The following SLC15A4 variants were observed in gnomAD, a reference collection of about 807,000 sequenced individuals.
SLC15A4 encodes hPHT1.
In SLC15A4, 26 loss-of-function variants were observed where a neutral mutation model predicts 46.1. The observed-to-expected ratio is 0.56, with a 90% CI of 0.41 to 0.78. The LOEUF (loss-of-function observed/expected upper bound fraction) is 0.78. Ranked by LOEUF, SLC15A4 falls within the 30% of genes least tolerant of loss-of-function variation. The probability of loss-of-function intolerance (pLI) is 0.00; values close to 1 mark genes in which losing one functional copy is unlikely to be tolerated. For synonymous variants in SLC15A4, 370 were observed against 333.4 expected (o/e 1.11, Z -1.20); for missense variants, 751 against 755.7 (o/e 0.99, Z 0.07).
intron 1 of SLC15A4, among the ~76,000 whole-genome samples, chr12:128,820,736 C>T (rs142729972): frequency 4.5e-4 from 68 of 152,350 alleles, no homozygotes; most frequent in African/African-American, 1.6e-3. Flanking sequence ...AGGTACTTAG[C>T]AAGCACTGTG....
At chr12:128,813,374 G>A (rs1955692017) in intron 2 of SLC15A4, 1 of 152,092 alleles carries the variant, frequency 6.6e-6, no homozygotes, top group Non-Finnish European at 1.5e-5. Context: ...TTTGAATTAT[G>A]TGTCTGAATG....
At chr12:128,819,932 G>GT (rs1955811136) in intron 1 of SLC15A4, 1 of 152,320 alleles carries the variant, frequency 6.6e-6, no homozygotes, top group African/African-American at 2.4e-5. Flanking sequence ...AGCTCCCCTA[G>GT]GCACCTGCTG....
chr12:128,809,788 T>C (rs11059927), intron 3 of SLC15A4, 155 bp downstream of exon 3: 73,473 of 666,782 alleles, frequency 0.11, 4,844 homozygotes, highest in Admixed American at 0.21. Context: ...GCAGCCAAAA[T>C]GACTCCATAA....
rs768781673 is a variant in SLC15A4 at position 128,809,381 on chromosome 12, T to G, written c.1089+15A>C. The G allele has an allele frequency of 6.5e-5, 100 of 1,530,760 alleles. No homozygotes were observed. The highest frequency in any genetic ancestry group is 8.7e-5 in the Non-Finnish European group (97 of 1,113,664). 94.8% of individuals were successfully genotyped at this position (1,530,760 alleles called of 1,614,324 possible). ...TCCAAAATAACAATGTTCAGATCAT[T>G]ACAATTGTTCTTACCGTGTGAGGAG... On this transcript the variant is annotated intron_variant, in intron 4 of 7. Coordinates refer to ENST00000266771, the MANE Select transcript of SLC15A4 (RefSeq NM_145648.4).
intron 5 of SLC15A4, 114 bp from the exon 6 acceptor site, chr12:128,801,123 G>C (rs556006492): frequency 1.0e-6 from 1 of 975,806 alleles, no homozygotes; most frequent in African/African-American, 1.6e-5. Flanking sequence ...ATGCGTGAAA[G>C]GACCACGTCT....
At chr12:128,804,768 T>C (rs542291284) in intron 5 of SLC15A4, among the ~76,000 whole-genome samples, 2 of 152,198 alleles carry the variant, frequency 1.3e-5, no homozygotes, top group Non-Finnish European at 2.9e-5. Context: ...CTCAGAGAGG[T>C]AATGGACTCC....
At chr12:128,795,028 C>A (rs903221340) in intron 7 of SLC15A4, among the ~76,000 whole-genome samples, 2 of 152,130 alleles carry the variant, frequency 1.3e-5, no homozygotes, top group African/African-American at 4.8e-5. Flanking sequence ...AAGGCAGATG[C>A]GAAGATAACA....
chr12:128,815,078 A>G lies in SLC15A4; in HGVS notation c.547-8T>C, dbSNP rs1955732967. ...CGGACCTCGATCTTTAACCTAAAAT[A>G]ACAGGGAGGAAAGACACTTGAAAAT... On this transcript the variant is annotated splice_polypyrimidine_tract_variant and splice_region_variant and intron_variant, in intron 1 of 7. Transcript: ENST00000266771. 2 of 1,603,026 alleles carry G rather than the reference A, an allele frequency of 1.2e-6. No homozygotes were observed. Among genetic ancestry groups the G allele is most frequent in the Non-Finnish European group, 1.7e-6 (2 of 1,171,320 alleles).
intron 1 of SLC15A4, among the ~76,000 whole-genome samples, chr12:128,816,704 C>T (rs1028434575): frequency 1.2e-4 from 19 of 152,098 alleles, no homozygotes; most frequent in African/African-American, 2.7e-4. Context: ...CGGTGGTGTG[C>T]GCCTACAGTC....
At chr12:128,815,311 A>AGAGTTTTTCCAAGTATGTGGAAACACTT (rs148696359) in intron 1 of SLC15A4, 14 of 418,634 alleles carry the variant, frequency 3.3e-5, no homozygotes, top group Non-Finnish European at 6.1e-5. Flanking sequence ...CAAATGCTAG[A>AGAGTTTTTCCAAGTATGTGGAAACACTT]GAGTTTTTCC....
At chr12:128,816,149 C>T (rs1385374) in intron 1 of SLC15A4, among the ~76,000 whole-genome samples, 14,407 of 152,178 alleles carry the variant, frequency 0.095, 931 homozygotes, top group Admixed American at 0.2. Flanking sequence ...GAGGTAATAA[C>T]GCAACATCTA....
At chr12:128,795,359 T>A (rs772427416) in intron 7 of SLC15A4, among the ~76,000 whole-genome samples, 7 of 151,882 alleles carry the variant, frequency 4.6e-5, no homozygotes, top group Non-Finnish European at 8.8e-5. Context: ...CCCAACCGAG[T>A]CCCGGGCACT....
chr12:128,794,960 C>T (rs1343045262), intron 7 of SLC15A4, among the ~76,000 whole-genome samples: 2 of 152,232 alleles, frequency 1.3e-5, no homozygotes, highest in Non-Finnish European at 2.9e-5. Context: ...TCCTCAACTA[C>T]TTCAGGGGAA....
chr12:128,820,843 A>G (rs1311618421), intron 1 of SLC15A4, among the ~76,000 whole-genome samples: 2 of 152,206 alleles, frequency 1.3e-5, no homozygotes, highest in East Asian at 1.9e-4. Context: ...TACTGCTCAC[A>G]TGCCATGGTT....
chr12:128,794,132 CTCAG>C lies in SLC15A4; in HGVS notation c.*60_*63del. On this transcript the variant is annotated 3_prime_UTR_variant, in exon 8 of 8. Transcript: ENST00000266771. ...ATGGGAATTTAAAGTCTTGCCTGTT[CTCAG>C]TGCACCCCAGTCAGTTACTGACATG... The C allele has an allele frequency of 6.9e-7, 1 of 1,448,006 alleles. No individual in the cohort carries two copies. Among genetic ancestry groups the C allele is most frequent in the Non-Finnish European group, 9.4e-7 (1 of 1,062,836 alleles). The allele number at this position is 1,448,006 out of a possible 1,614,324, so 89.7% of individuals were successfully genotyped here.
chr12:128,799,410 T>C lies in SLC15A4; in HGVS notation c.1422A>G (p.Glu474=). ...ACTTGGGGGCAGCTGAGTATGCAAA[T>C]TCCAGGCCTGAGGAAAGAAAAGGGA... ...SEIFASIAGL[E]FAYSAAPKSM... The change falls in exon 7 of 8, where the codon GAA becomes GAG. Residue 474 remains glutamate (E), a synonymous_variant. Transcript: ENST00000266771. 1 of 1,613,992 alleles carries C rather than the reference T, an allele frequency of 6.2e-7. No homozygotes were observed.
At chr12:128,816,545 T>C (rs1955753474) in intron 1 of SLC15A4, among the ~76,000 whole-genome samples, 2 of 152,108 alleles carry the variant, frequency 1.3e-5, no homozygotes, top group South Asian at 4.1e-4. Flanking sequence ...AAACAACCAA[T>C]TACGGTTGGG....
At chr12:128,800,534 G>T (rs1955505222) in intron 6 of SLC15A4, among the ~76,000 whole-genome samples, 1 of 152,238 alleles carries the variant, frequency 6.6e-6, no homozygotes, top group African/African-American at 2.4e-5. Context: ...GCTCAGCCCA[G>T]CCACCACGGC....
At chr12:128,809,614 A>G in intron 3 of SLC15A4, 141 bp from the exon 4 acceptor site, 2 of 615,400 alleles carry the variant, frequency 3.2e-6, no homozygotes, top group Non-Finnish European at 5.7e-6. Context: ...GTTTGAAAAC[A>G]GACAGGTCAA....
Sources: gnomAD v4.1 joint callset for allele counts (sites outside exome capture counted in the v4.1 genomes callset) on GRCh38, gnomAD v4.1.1 for gene constraint, MANE v1.5 for transcripts, NCBI Gene and HGNC (gene_info 2026-07-23, HGNC 2026-07-21) for gene names.